Variants in LRRC42 observed in about 807,000 individuals in gnomAD.
LRRC42 encodes leucine-rich repeat-containing protein 42.
A neutral mutation model predicts 44.3 loss-of-function variants in LRRC42; 43 were observed. The observed-to-expected ratio is 0.97, with a 90% CI of 0.76 to 1.25. The LOEUF is 1.25. Among genes scored for constraint, LRRC42 ranks in the 50% most tolerant of loss-of-function variants. The pLI is 0.00. For missense variants in LRRC42, 540 were observed against 509.1 expected, an observed-to-expected ratio of 1.06 and a Z score of -0.58; for synonymous variants, 207 against 195.2, an observed-to-expected ratio of 1.06 and a Z score of -0.50.
At position 53,958,161 on chromosome 1, in the gene LRRC42, T is replaced by C. The variant is rs758572494; in HGVS notation, c.486T>C (p.Ile162=). Residue 162 remains isoleucine, a synonymous_variant, in exon 4 of 9, where the codon ATT becomes ATC. Coordinates refer to ENST00000371370, the MANE Select transcript of LRRC42 (RefSeq NM_001256409.2). ...SLCLRNRYLV[I]SEKLEEIKSF... ...CCACGCTCCGTAGGTATCTCGTGAT[T>C]TCAGAAAAGCTTGAGGAGATTAAGT... 1 of 1,613,814 alleles carries C rather than the reference T, an allele frequency of 6.2e-7. No homozygotes were observed. Among genetic ancestry groups the C allele is most frequent in the East Asian group, 2.2e-5 (1 of 44,860 alleles).
At chr1:53,951,017 A>G (rs989612935) in intron 2 of LRRC42, among the ~76,000 whole-genome samples, 2 of 152,230 alleles carry the variant, frequency 1.3e-5, no homozygotes, top group East Asian at 3.8e-4. Context: ...AGATGCCAGG[A>G]CACTGTGTTA....
chr1:53,957,802 A>G (rs898588546), intron 3 of LRRC42, among the ~76,000 whole-genome samples: 1 of 152,230 alleles, frequency 6.6e-6, no homozygotes, highest in Non-Finnish European at 1.5e-5. Context: ...AAATTCGAGT[A>G]TCCTAAAGTT....
intron 3 of LRRC42, among the ~76,000 whole-genome samples, chr1:53,955,819 G>C (rs1372246581): frequency 3.3e-5 from 5 of 151,300 alleles, no homozygotes; most frequent in African/African-American, 1.2e-4. Flanking sequence ...TAGTAGAGAT[G>C]GGGTTTCACC....
intron 5 of LRRC42, among the ~76,000 whole-genome samples, 155 bp downstream of exon 5, chr1:53,960,629 ACT>A (rs1265786387): frequency 6.6e-6 from 1 of 151,982 alleles, no homozygotes; most frequent in Admixed American, 6.6e-5. Flanking sequence ...GAGGCCAAAG[ACT>A]CTTGACTCCT....
intron 4 of LRRC42, among the ~76,000 whole-genome samples, chr1:53,958,674 C>T (rs1654911856): frequency 6.6e-6 from 1 of 152,196 alleles, no homozygotes; most frequent in Non-Finnish European, 1.5e-5. Flanking sequence ...GCAACCTCCA[C>T]CTCCCAGGTT....
rs1190915357 is a variant in LRRC42 at position 53,952,375 on chromosome 1, C to G, written c.376C>G (p.Gln126Glu). Reference protein sequence around the residue: ...EKLFSAAEARQKFTEPGAGLR... With the variant: ...EKLFSAAEAREKFTEPGAGLR... ...GCTGTTCTCTGCTGCTGAAGCCAGA[C>G]AGAAATTCACTGAGCCAGGTGCAGG... is the stretch of plus-strand genomic sequence containing the variant. Residue 126 changes from glutamine (Q) to glutamate (E), a missense_variant, in exon 3 of 9, where the codon CAG becomes GAG. Physicochemically the swap from Gln to Glu is conservative, Grantham distance 29. Transcript: ENST00000371370. 2 of 1,613,924 alleles carry G rather than the reference C, an allele frequency of 1.2e-6. No homozygotes were observed. Among genetic ancestry groups the G allele is most frequent in the Non-Finnish European group, 1.7e-6 (2 of 1,179,894 alleles).
intron 2 of LRRC42, among the ~76,000 whole-genome samples, chr1:53,948,553 G>C (rs1654589206): frequency 6.6e-6 from 1 of 152,190 alleles, no homozygotes; most frequent in Non-Finnish European, 1.5e-5. Flanking sequence ...GGGTTACAAA[G>C]CTGCCTTCCT....
At chr1:53,961,990 G>A (rs2100929342) in intron 5 of LRRC42, 44 bp from the exon 6 acceptor site, 1 of 1,404,428 alleles carries the variant, frequency 7.1e-7, no homozygotes, top group Non-Finnish European at 1.0e-6. Context: ...CATTTTAACA[G>A]CATTTATATT....
At chr1:53,954,995 A>G (rs1654790653) in intron 3 of LRRC42, among the ~76,000 whole-genome samples, 1 of 152,250 alleles carries the variant, frequency 6.6e-6, no homozygotes, top group South Asian at 2.1e-4. Flanking sequence ...ACAAGTGAAA[A>G]TCTAAAAACT....
chr1:53,966,425 A>C (rs748156832), intron 8 of LRRC42, 45 bp downstream of exon 8: 2 of 1,372,722 alleles, frequency 1.5e-6, no homozygotes, highest in Non-Finnish European at 2.1e-6. Context: ...CTTTATTTGC[A>C]TCCTTAAAGC....
At chr1:53,947,541 A>C (rs182966116) in intron 1 of LRRC42, among the ~76,000 whole-genome samples, 3 of 152,286 alleles carry the variant, frequency 2.0e-5, no homozygotes, top group African/African-American at 7.2e-5. Context: ...TTTTTATGTT[A>C]GAAATTTTCC....
intron 5 of LRRC42, among the ~76,000 whole-genome samples, chr1:53,961,112 T>C (rs1238466193): frequency 3.3e-5 from 5 of 152,182 alleles, no homozygotes; most frequent in African/African-American, 1.2e-4. Context: ...AAAATGAGGA[T>C]AATAATGAAT....
chr1:53,954,400 G>T (rs971631100), intron 3 of LRRC42, among the ~76,000 whole-genome samples: 3 of 152,160 alleles, frequency 2.0e-5, no homozygotes, highest in African/African-American at 7.2e-5. Flanking sequence ...ATATTTCATT[G>T]TGGCTTATGC....
chr1:53,964,703 T>C (rs1655080840), intron 7 of LRRC42, among the ~76,000 whole-genome samples: 3 of 152,202 alleles, frequency 2.0e-5, no homozygotes. Flanking sequence ...GCTAAACTCT[T>C]TATGTGTATT....
At position 53,952,424 on chromosome 1, in the gene LRRC42, CTG is replaced by C; in HGVS notation, c.426_427del (p.Glu143GlyfsTer24). ...GGGCTGAGGGCTTTACAGAAATTCA[CTG>C]AGGCCTATGGAAGTTTGGTGCTTTG... is the stretch of plus-strand genomic sequence containing the variant. On this transcript the variant is annotated frameshift_variant, in exon 3 of 9. Transcript: ENST00000371370. LOFTEE classifies it high-confidence loss of function. The C allele has an allele frequency of 6.2e-7, 1 of 1,608,598 alleles. No homozygotes were observed. Among genetic ancestry groups the C allele is most frequent in the Non-Finnish European group, 8.5e-7 (1 of 1,175,388 alleles).
At chr1:53,951,590 A>T (rs1366235609) in intron 2 of LRRC42, among the ~76,000 whole-genome samples, 2 of 152,078 alleles carry the variant, frequency 1.3e-5, no homozygotes, top group African/African-American at 4.8e-5. Context: ...ACGCTCGGCT[A>T]ATTTTTGTAT....
At chr1:53,950,343 T>A (rs1654638432) in intron 2 of LRRC42, among the ~76,000 whole-genome samples, 1 of 152,206 alleles carries the variant, frequency 6.6e-6, no homozygotes, top group South Asian at 2.1e-4. Context: ...CATAAGGAGA[T>A]GAGCAGGAAA....
At chr1:53,949,864 G>A (rs1175532480) in intron 2 of LRRC42, among the ~76,000 whole-genome samples, 2 of 152,220 alleles carry the variant, frequency 1.3e-5, no homozygotes, top group Non-Finnish European at 1.5e-5. Context: ...CCTGGAAAAG[G>A]AGCTGGCTCC....
chr1:53,954,282 C>T (rs1654771338), intron 3 of LRRC42, among the ~76,000 whole-genome samples: 1 of 152,194 alleles, frequency 6.6e-6, no homozygotes, highest in Non-Finnish European at 1.5e-5. Flanking sequence ...ACTGAGCAGG[C>T]ACCTTGAAAG....
Sources: allele counts gnomAD v4.1 joint callset (sites outside exome capture counted in the v4.1 genomes callset), GRCh38; gene constraint gnomAD v4.1.1; transcripts MANE v1.5; gene names NCBI Gene and HGNC (gene_info 2026-07-23, HGNC 2026-07-21).